Variants in TASP1 observed in about 807,000 individuals in gnomAD.
TASP1 encodes the protein threonine aspartase 1.
Under a neutral mutation model 56.6 loss-of-function variants are expected in TASP1, and 16 were observed. The ratio of observed to expected loss-of-function variants is 0.28; its 90% CI spans 0.19 to 0.43. The LOEUF (loss-of-function observed/expected upper bound fraction) is 0.43, where lower values mean the gene tolerates loss of function less well. Ranked by LOEUF, TASP1 falls within the 20% of genes least tolerant of loss-of-function variation. The probability of loss-of-function intolerance (pLI) is 1.00; values close to 1 mark genes in which losing one functional copy is unlikely to be tolerated. For missense variants in TASP1, 393 were observed against 511.6 expected (o/e 0.77, Z 2.24); for synonymous variants, 179 against 184.2 (o/e 0.97, Z 0.23).
the TASP1 span, among the ~76,000 whole-genome samples, chr20:13,181,271 T>A: frequency 6.6e-6 from 1 of 152,220 alleles, no homozygotes; most frequent in East Asian, 1.9e-4. Flanking sequence ...AGCAAGATAG[T>A]GCTCCAGCTG....
intron 5 of TASP1, among the ~76,000 whole-genome samples, chr20:13,583,079 G>A (rs1255748363): frequency 6.6e-6 from 1 of 152,204 alleles, no homozygotes; most frequent in Non-Finnish European, 1.5e-5. Context: ...GAGAGCTCCA[G>A]AAAGAATGAG....
At chr20:13,455,100 A>G (rs923423850) in intron 11 of TASP1, among the ~76,000 whole-genome samples, 3 of 152,082 alleles carry the variant, frequency 2.0e-5, no homozygotes, top group Admixed American at 1.3e-4. Flanking sequence ...CAAACAATAA[A>G]TGCCTTCTTA....
chr20:13,372,196 A>G, the TASP1 span, among the ~76,000 whole-genome samples: 76 of 152,328 alleles, frequency 5.0e-4, no homozygotes, highest in African/African-American at 1.7e-3. Flanking sequence ...TGAAATTAGT[A>G]TTTAAATCAG....
At chr20:13,415,617 A>T (rs975941135) in intron 13 of TASP1, among the ~76,000 whole-genome samples, 1 of 152,152 alleles carries the variant, frequency 6.6e-6, no homozygotes, top group Non-Finnish European at 1.5e-5. Flanking sequence ...ATTTACCAGC[A>T]ATAAGAAAAC....
intron 4 of TASP1, among the ~76,000 whole-genome samples, chr20:13,594,869 C>G (rs1278201512): frequency 1.3e-5 from 2 of 152,144 alleles, no homozygotes; most frequent in African/African-American, 4.8e-5. Context: ...CCAGGAAATA[C>G]AGAGAACACC....
At chr20:13,358,533 C>T in the TASP1 span, among the ~76,000 whole-genome samples, 1 of 152,218 alleles carries the variant, frequency 6.6e-6, no homozygotes, top group African/African-American at 2.4e-5. Context: ...CCCTCAACCA[C>T]TTTCTCCTTT....
chr20:13,552,197 T>C (rs1321928582), intron 8 of TASP1, among the ~76,000 whole-genome samples: 1 of 152,140 alleles, frequency 6.6e-6, no homozygotes, highest in Non-Finnish European at 1.5e-5. Context: ...CTGCATGAAA[T>C]ATAAACTCCC....
the TASP1 span, among the ~76,000 whole-genome samples, chr20:13,306,305 T>TCATA: frequency 1.3e-5 from 2 of 152,092 alleles, no homozygotes; most frequent in South Asian, 4.1e-4. Flanking sequence ...TTCACAAAGG[T>TCATA]CATAGCTAAA....
chr20:13,386,963 C>A (rs997311726), downstream of TASP1, among the ~76,000 whole-genome samples: 1 of 152,030 alleles, frequency 6.6e-6, no homozygotes, highest in African/African-American at 2.4e-5. Context: ...AATTGTATCA[C>A]CCAGTTAATC....
intron 8 of TASP1, among the ~76,000 whole-genome samples, chr20:13,557,662 C>CCTTGA: frequency 6.8e-6 from 1 of 147,468 alleles, no homozygotes; most frequent in Admixed American, 6.8e-5. Context: ...CTCACTGCAG[C>CCTTGA]CTTGACACCC....
At chr20:13,258,929 G>C in the TASP1 span, among the ~76,000 whole-genome samples, 3 of 152,042 alleles carry the variant, frequency 2.0e-5, no homozygotes, top group Non-Finnish European at 4.4e-5. Context: ...TCTTAAAGAA[G>C]GTGAGAGAGC....
At chr20:13,581,568 TA>T (rs1054789233) in intron 5 of TASP1, among the ~76,000 whole-genome samples, 7 of 152,308 alleles carry the variant, frequency 4.6e-5, no homozygotes, top group South Asian at 2.1e-4. Flanking sequence ...GATTGTAACC[TA>T]AAATGTGGTT....
intron 13 of TASP1, among the ~76,000 whole-genome samples, chr20:13,412,946 C>T (rs927467653): frequency 6.6e-6 from 1 of 152,146 alleles, no homozygotes; most frequent in Non-Finnish European, 1.5e-5. Context: ...AGGCTTAAGG[C>T]AAGGTAAGGA....
At chr20:13,419,322 G>A (rs2042362122) in intron 12 of TASP1, among the ~76,000 whole-genome samples, 1 of 150,846 alleles carries the variant, frequency 6.6e-6, no homozygotes, top group Middle Eastern at 3.2e-3. Context: ...GCATGAGGAT[G>A]GGAAAGCAAA....
At chr20:13,214,996 A>G in the TASP1 span, among the ~76,000 whole-genome samples, 1 of 152,226 alleles carries the variant, frequency 6.6e-6, no homozygotes, top group Non-Finnish European at 1.5e-5. Context: ...CTTTCAGGTA[A>G]TTGGCTTCTG....
At chr20:13,531,498 T>C (rs901989204) in intron 9 of TASP1, among the ~76,000 whole-genome samples, 1 of 151,594 alleles carries the variant, frequency 6.6e-6, no homozygotes, top group Non-Finnish European at 1.5e-5. Flanking sequence ...TTTTTTTTTT[T>C]TTTCTTTTTT....
chr20:13,258,008 G>A, the TASP1 span, among the ~76,000 whole-genome samples: 1 of 152,058 alleles, frequency 6.6e-6, no homozygotes, highest in Non-Finnish European at 1.5e-5. Context: ...CCTTATCTGT[G>A]GAAGAGGGGC....
At chr20:13,221,977 T>A in the TASP1 span, 1 of 1,275,352 alleles carries the variant, frequency 7.8e-7, no homozygotes, top group Non-Finnish European at 9.9e-7. Flanking sequence ...GCGGGGGTGC[T>A]GAGCTAGTGC....
the TASP1 span, among the ~76,000 whole-genome samples, chr20:13,285,788 G>A: frequency 6.6e-6 from 1 of 152,208 alleles, no homozygotes; most frequent in African/African-American, 2.4e-5. Context: ...ACTATAACAA[G>A]AAAGTGCCTC....
Sources: allele counts gnomAD v4.1 joint callset (sites outside exome capture counted in the v4.1 genomes callset), GRCh38; gene constraint gnomAD v4.1.1; transcripts MANE v1.5; gene names NCBI Gene and HGNC (gene_info 2026-07-23, HGNC 2026-07-21).